Variants in BRINP3 observed in about 807,000 individuals in gnomAD.
BRINP3 encodes the protein BMP/retinoic acid inducible neural specific 3, also known as BMP/retinoic acid-inducible neural-specific protein 3.
BRINP3 carries 19 observed loss-of-function variants against 71.0 expected under a neutral mutation model. That is an observed-to-expected ratio of 0.27 (90% CI 0.19 to 0.39). The LOEUF is 0.39. BRINP3 is among the 10% of genes least tolerant of loss of function. The pLI, the probability that BRINP3 is intolerant of heterozygous loss-of-function variation, is 1.00. For synonymous variants in BRINP3, 380 were observed against 337.7 expected (o/e 1.13, Z -1.37); for missense variants, 959 against 940.8 (o/e 1.02, Z -0.25).
chr1:190,334,825 T>C (rs1008986295), intron 2 of BRINP3, among the ~76,000 whole-genome samples: 3 of 151,720 alleles, frequency 2.0e-5, no homozygotes, highest in South Asian at 2.1e-4. Flanking sequence ...GATATTTGAT[T>C]TCCTGTGGGC....
chr1:190,144,205 T>C (rs1293842999), intron 7 of BRINP3, among the ~76,000 whole-genome samples: 1 of 152,136 alleles, frequency 6.6e-6, no homozygotes. Flanking sequence ...TTTTATTTCC[T>C]CTCTTTCACT....
At chr1:190,344,793 G>T (rs561632046) in intron 2 of BRINP3, among the ~76,000 whole-genome samples, 2 of 151,870 alleles carry the variant, frequency 1.3e-5, no homozygotes, top group South Asian at 2.1e-4. Flanking sequence ...TTAAATTATT[G>T]CTAGTCAGAG....
intron 2 of BRINP3, among the ~76,000 whole-genome samples, chr1:190,345,857 A>G (rs1241861634): frequency 6.6e-6 from 1 of 151,942 alleles, no homozygotes; most frequent in African/African-American, 2.4e-5. Flanking sequence ...ATCATTGCCA[A>G]TTATCTTTCA....
At chr1:190,334,221 T>A (rs1667143771) in intron 2 of BRINP3, among the ~76,000 whole-genome samples, 2 of 151,848 alleles carry the variant, frequency 1.3e-5, no homozygotes, top group African/African-American at 2.4e-5. Context: ...GTCTTCTGAT[T>A]TCAATCTTTT....
chr1:190,336,832 C>T (rs1365730845), intron 2 of BRINP3, among the ~76,000 whole-genome samples: 1 of 97,138 alleles, frequency 1.0e-5, no homozygotes, highest in Non-Finnish European at 2.2e-5. Flanking sequence ...CCTTCCCTCC[C>T]TCCCTCCTTC....
At chr1:190,307,793 A>G (rs554859565) in intron 2 of BRINP3, among the ~76,000 whole-genome samples, 6 of 152,144 alleles carry the variant, frequency 3.9e-5, no homozygotes, top group Non-Finnish European at 5.9e-5. Context: ...AAAGACAAAA[A>G]TAATGAACAA....
At chr1:190,340,971 A>G (rs1667619292) in intron 2 of BRINP3, among the ~76,000 whole-genome samples, 1 of 151,754 alleles carries the variant, frequency 6.6e-6, no homozygotes. Context: ...GAAAGACAAA[A>G]TTTTCTGCTC....
chr1:190,411,517 G>A (rs1271978154), intron 2 of BRINP3, among the ~76,000 whole-genome samples: 2 of 151,994 alleles, frequency 1.3e-5, no homozygotes, highest in African/African-American at 2.4e-5. Flanking sequence ...TGAACAGTAG[G>A]CAACACTTAG....
At chr1:190,303,508 T>C (rs527290059) in intron 2 of BRINP3, among the ~76,000 whole-genome samples, 2 of 151,858 alleles carry the variant, frequency 1.3e-5, no homozygotes, top group Non-Finnish European at 3.0e-5. Flanking sequence ...TATCTGACAA[T>C]GAAAATAAAT....
intron 2 of BRINP3, among the ~76,000 whole-genome samples, chr1:190,296,802 C>T (rs815158): frequency 0.39 from 58,844 of 151,542 alleles, 12,683 homozygotes; most frequent in Non-Finnish European, 0.49. Context: ...ACCCCATTTG[C>T]GATAGCATAA....
intron 6 of BRINP3, among the ~76,000 whole-genome samples, chr1:190,216,239 C>G (rs1178274697): frequency 6.6e-6 from 1 of 151,602 alleles, no homozygotes; most frequent in Non-Finnish European, 1.5e-5. Flanking sequence ...TAAGTAATGT[C>G]CAACAAAATT....
At chr1:190,210,653 G>T (rs1022310588) in intron 6 of BRINP3, among the ~76,000 whole-genome samples, 6 of 152,034 alleles carry the variant, frequency 3.9e-5, no homozygotes, top group Non-Finnish European at 7.4e-5. Flanking sequence ...CAAAACAAAA[G>T]CTCTCAAAAT....
At chr1:190,389,801 G>T (rs956099081) in intron 2 of BRINP3, among the ~76,000 whole-genome samples, 5 of 151,766 alleles carry the variant, frequency 3.3e-5, no homozygotes, top group Non-Finnish European at 4.4e-5. Context: ...GCTAATCCTT[G>T]TAAGAACAGG....
At chr1:190,204,429 CA>C (rs1211329464) in intron 6 of BRINP3, among the ~76,000 whole-genome samples, 1 of 137,274 alleles carries the variant, frequency 7.3e-6, no homozygotes, top group East Asian at 2.2e-4. Context: ...TTGACTCATT[CA>C]AATATATTAA....
intron 2 of BRINP3, among the ~76,000 whole-genome samples, chr1:190,302,194 C>T (rs1664784500): frequency 6.7e-6 from 1 of 149,126 alleles, no homozygotes. Context: ...TTACAGTCCA[C>T]CTTGGTGTTG....
In BRINP3 at chr1:190,456,047, T is replaced by C. The variant is rs553744793; in HGVS notation, c.-50-1107A>G. ...AAGGTTTACTTGCATGAGTTCTTACTCAGCAAAACATCTTTAGAAAAAAAG... is the reference window on the plus strand; with the variant it reads ...AAGGTTTACTTGCATGAGTTCTTACCCAGCAAAACATCTTTAGAAAAAAAG... On this transcript the variant is annotated intron_variant, in intron 1 of 7. Coordinates refer to ENST00000367462, the MANE Select transcript of BRINP3 (RefSeq NM_199051.3). Among the ~76,000 whole-genome samples the C allele has an allele frequency of 3.3e-5, 5 of 152,318 alleles. No homozygotes were observed. The South Asian group carries it at 8.3e-4, about 25-fold the overall frequency.
rs6667350 is a variant in BRINP3, at chr1:190,186,772, A to T, written c.962-25882T>A. On this transcript the variant is annotated intron_variant, in intron 6 of 7. Transcript: ENST00000367462. ...TTATGTTAGGAATATAACTTCTCCA[A>T]ATTCAGAAGTGGTGCTTGGTAAAGT... Among the ~76,000 whole-genome samples, 493 of 152,290 alleles carry T rather than the reference A, an allele frequency of 3.2e-3. 1 individual carries two copies. The highest frequency in any genetic ancestry group is 0.011 in the African/African-American group (474 of 41,568).
chr1:190,344,939 T>TGTGAGAGTA (rs773516801), intron 2 of BRINP3, among the ~76,000 whole-genome samples: 5 of 151,902 alleles, frequency 3.3e-5, no homozygotes, highest in Non-Finnish European at 7.4e-5. Context: ...TAGTGAGCAC[T>TGTGAGAGTA]GTGAGAACTA....
chr1:190,278,191 G>A (rs1025288741), intron 3 of BRINP3, among the ~76,000 whole-genome samples: 2 of 151,552 alleles, frequency 1.3e-5, no homozygotes, highest in African/African-American at 4.8e-5. Context: ...GTTTTGAAAA[G>A]CATTGAAATT....
Sources: gnomAD v4.1 joint callset for allele counts (sites outside exome capture counted in the v4.1 genomes callset) on GRCh38, gnomAD v4.1.1 for gene constraint, MANE v1.5 for transcripts, NCBI Gene and HGNC (gene_info 2026-07-23, HGNC 2026-07-21) for gene names.